Variants in KHDRBS2 observed in about 807,000 individuals in gnomAD.
KHDRBS2 encodes the protein KH RNA binding domain containing, signal transduction associated 2.
Under a neutral mutation model 44.3 loss-of-function variants are expected in KHDRBS2, and 26 were observed. The ratio of observed to expected loss-of-function variants is 0.59; its 90% CI spans 0.43 to 0.81. The LOEUF is 0.81. Ranked by LOEUF, KHDRBS2 falls within the 40% of genes least tolerant of loss-of-function variation. KHDRBS2 has a pLI of 0.00. For synonymous variants in KHDRBS2, 194 were observed against 151.1 expected, an observed-to-expected ratio of 1.28 and a Z score of -2.08; for missense variants, 476 against 433.1, an observed-to-expected ratio of 1.10 and a Z score of -0.88.
At chr6:62,011,322 A>G (rs1291507992) in intron 3 of KHDRBS2, among the ~76,000 whole-genome samples, 1 of 152,190 alleles carries the variant, frequency 6.6e-6, no homozygotes, top group Non-Finnish European at 1.5e-5. Flanking sequence ...TGTAAATTCT[A>G]CTGTGAATCA....
chr6:61,606,360 A>G, the KHDRBS2 span, among the ~76,000 whole-genome samples: 1 of 152,166 alleles, frequency 6.6e-6, no homozygotes, highest in Non-Finnish European at 1.5e-5. Flanking sequence ...GGGTTTGGTT[A>G]TCTTGCTCAC....
At position 62,089,946 on chromosome 6, in the gene KHDRBS2, G is replaced by A. The variant is rs116712816; in HGVS notation, c.220-41952C>T. Among the ~76,000 whole-genome samples, 162 of 152,182 alleles carry A rather than the reference G, an allele frequency of 1.1e-3. 1 individual carries two copies. The highest frequency in any genetic ancestry group is 3.7e-3 in the African/African-American group (152 of 41,522). On this transcript the variant is annotated intron_variant, in intron 2 of 8. Coordinates refer to ENST00000281156, the MANE Select transcript of KHDRBS2 (RefSeq NM_152688.4). Reference sequence around the variant, plus strand: ...GTCTGAAGTACAGTAAATAGTGAAGGCCAAGGAACTGCAACGTCTGCATGT... The same window carrying A: ...GTCTGAAGTACAGTAAATAGTGAAGACCAAGGAACTGCAACGTCTGCATGT...
chr6:61,779,265 C>T (rs1176191009), intron 6 of KHDRBS2, among the ~76,000 whole-genome samples: 1 of 152,032 alleles, frequency 6.6e-6, no homozygotes, highest in Non-Finnish European at 1.5e-5. Context: ...CATCTGAAGT[C>T]CCTTAACTCA....
At chr6:62,034,353 C>T (rs1784872738) in intron 3 of KHDRBS2, among the ~76,000 whole-genome samples, 1 of 151,692 alleles carries the variant, frequency 6.6e-6, no homozygotes. Flanking sequence ...ATACCAAAAC[C>T]AAAGATGCAC....
the KHDRBS2 span, among the ~76,000 whole-genome samples, chr6:61,610,668 G>A: frequency 1.3e-5 from 2 of 152,268 alleles, no homozygotes; most frequent in East Asian, 1.9e-4. Flanking sequence ...CCTAGAGCAA[G>A]CAATCCAAGA....
the KHDRBS2 span, among the ~76,000 whole-genome samples, chr6:61,583,418 T>A: frequency 6.6e-6 from 1 of 151,836 alleles, no homozygotes; most frequent in African/African-American, 2.4e-5. Flanking sequence ...CCAATATGAA[T>A]AAAGCTATTA....
the KHDRBS2 span, among the ~76,000 whole-genome samples, chr6:61,573,508 A>G: frequency 6.6e-6 from 1 of 152,234 alleles, no homozygotes; most frequent in Non-Finnish European, 1.5e-5. Context: ...AAAAGAGCCA[A>G]GCTGGGCATG....
intron 1 of KHDRBS2, among the ~76,000 whole-genome samples, chr6:62,182,815 C>T (rs767803010): frequency 4.0e-5 from 6 of 151,568 alleles, no homozygotes; most frequent in Admixed American, 6.6e-5. Context: ...TAATACCTCC[C>T]CTATATGTAT....
chr6:61,869,142 A>G (rs1027038875), intron 6 of KHDRBS2, among the ~76,000 whole-genome samples: 5 of 152,036 alleles, frequency 3.3e-5, no homozygotes, highest in East Asian at 1.9e-4. Flanking sequence ...GCTTTTCTCC[A>G]TACTCCATGG....
intron 1 of KHDRBS2, among the ~76,000 whole-genome samples, chr6:62,245,243 G>T (rs916128327): frequency 6.6e-6 from 1 of 151,878 alleles, no homozygotes; most frequent in African/African-American, 2.4e-5. Context: ...CATATTTTTG[G>T]TTGTCTTTCC....
At chr6:61,633,428 G>A in the KHDRBS2 span, among the ~76,000 whole-genome samples, 5 of 151,970 alleles carry the variant, frequency 3.3e-5, no homozygotes, top group African/African-American at 4.8e-5. Context: ...TGTTCACACT[G>A]CCACTTTTAT....
At chr6:62,027,056 A>C (rs1022857130) in intron 3 of KHDRBS2, among the ~76,000 whole-genome samples, 3 of 151,262 alleles carry the variant, frequency 2.0e-5, no homozygotes, top group Admixed American at 6.6e-5. Context: ...CATGTGGAGA[A>C]TGTCTTTGCT....
chr6:62,152,474 T>A (rs915679635), intron 2 of KHDRBS2, among the ~76,000 whole-genome samples: 3 of 152,172 alleles, frequency 2.0e-5, no homozygotes, highest in Non-Finnish European at 2.9e-5. Flanking sequence ...GGATTGATAA[T>A]CTCGTTTTAG....
At position 62,285,906 on chromosome 6, in the gene KHDRBS2, C is replaced by A. The variant is rs779657644; in HGVS notation, c.43G>T (p.Asp15Tyr). Residue 15 changes from aspartate (D) to tyrosine (Y), a missense_variant, in exon 1 of 9, where the codon GAT becomes TAT. By Grantham distance (160) the Asp-to-Tyr change is radical. Transcript: ENST00000281156. Reference sequence around the variant, plus strand: ...TGCACAAAAGATGGATCCAGGCTATCTTTCTCTGCCATCAGCTCAGGCAAA... The same window carrying A: ...TGCACAAAAGATGGATCCAGGCTATATTTCTCTGCCATCAGCTCAGGCAAA... ...KYLPELMAEK[D>Y]SLDPSFVHAS... The A allele has an allele frequency of 1.9e-6, 3 of 1,613,660 alleles. No homozygotes were observed. The highest frequency in any genetic ancestry group is 2.5e-6 in the Non-Finnish European group (3 of 1,179,842).
the KHDRBS2 span, among the ~76,000 whole-genome samples, chr6:61,672,358 C>A: frequency 1.3e-5 from 2 of 151,990 alleles, no homozygotes; most frequent in African/African-American, 2.4e-5. Context: ...TGGGTATAAA[C>A]CCAGTAATGG....
At chr6:61,931,374 G>A (rs190503697) in intron 4 of KHDRBS2, among the ~76,000 whole-genome samples, 59 of 151,656 alleles carry the variant, frequency 3.9e-4, no homozygotes, top group Admixed American at 1.5e-3. Context: ...TTACCCAAAA[G>A]AAACTAAAGA....
intron 6 of KHDRBS2, among the ~76,000 whole-genome samples, chr6:61,739,356 T>A (rs1775830401): frequency 6.6e-6 from 1 of 151,912 alleles, no homozygotes; most frequent in Non-Finnish European, 1.5e-5. Flanking sequence ...AAATCTCAAA[T>A]ATGTATGTCA....
At chr6:61,762,866 T>G (rs1779477742) in intron 6 of KHDRBS2, among the ~76,000 whole-genome samples, 1 of 152,140 alleles carries the variant, frequency 6.6e-6, no homozygotes, top group Non-Finnish European at 1.5e-5. Flanking sequence ...TATTGAAATT[T>G]TATTTACCCA....
At chr6:62,003,492 T>A (rs2019574) in intron 3 of KHDRBS2, among the ~76,000 whole-genome samples, 76,431 of 151,578 alleles carry the variant, frequency 0.5, 20,201 homozygotes, top group Non-Finnish European at 0.58. Context: ...ATGCTCCCAA[T>A]ATAGGAGCAC....
Sources: allele counts gnomAD v4.1 joint callset (sites outside exome capture counted in the v4.1 genomes callset), GRCh38; gene constraint gnomAD v4.1.1; transcripts MANE v1.5; gene names NCBI Gene and HGNC (gene_info 2026-07-23, HGNC 2026-07-21).